Variants in TMC2 observed in about 807,000 individuals in gnomAD.
TMC2 encodes the protein transmembrane channel like 2, also known as transmembrane channel-like protein 2.
Under a neutral mutation model 105.9 loss-of-function variants are expected in TMC2, and 102 were observed. That is an observed-to-expected ratio of 0.96 (90% CI 0.82 to 1.14). The LOEUF is 1.14. TMC2 is among the 50% of genes most tolerant of loss of function. The pLI, the probability that TMC2 is intolerant of heterozygous loss-of-function variation, is 0.00. For synonymous variants in TMC2, 402 were observed against 422.8 expected, an observed-to-expected ratio of 0.95 and a Z score of 0.60; for missense variants, 1,093 against 1,134.3, an observed-to-expected ratio of 0.96 and a Z score of 0.52.
intron 1 of TMC2, 127 bp from the exon 2 acceptor site, chr20:2,537,142 T>G: frequency 1.3e-6 from 1 of 778,846 alleles, no homozygotes; most frequent in Admixed American, 2.2e-5. Flanking sequence ...CTGAGTAAAA[T>G]CATTGGAGCT....
chr20:2,561,839 G>T lies in TMC2; in HGVS notation c.402-19G>T, dbSNP rs116829220. On this transcript the variant is annotated intron_variant, in intron 3 of 19. Transcript: ENST00000358864. ...TCCTTTCCAACTTCCCTCTGCCTCC[G>T]CCCTGGCTCTGCCTCCAGGTCATCC... 1.9e-6 allele frequency: 3 copies of T among 1,608,292 alleles called. No individual in the cohort carries two copies. The highest frequency in any genetic ancestry group is 2.5e-6 in the Non-Finnish European group (3 of 1,177,404).
At chr20:2,594,628 G>T (rs58987878) in intron 8 of TMC2, among the ~76,000 whole-genome samples, 197 bp from the exon 9 acceptor site, 3,683 of 152,272 alleles carry the variant, frequency 0.024, 153 homozygotes, top group African/African-American at 0.083. Flanking sequence ...ATGAAGGAGA[G>T]AAAGAAGGGG....
Position 2,594,833 on chromosome 20 carries a change from C to G in TMC2, c.942C>G (p.Ile314Met), listed in dbSNP as rs1384151355. The change falls in exon 9 of 20, where the codon ATC becomes ATG. Residue 314 changes from isoleucine to methionine, a missense_variant. Coordinates refer to ENST00000358864, the MANE Select transcript of TMC2 (RefSeq NM_080751.3). ...GCTTTGCTGTCCCCCAGGGCTATAT[C>G]AAGTACTCTGCACTCTTCTATGGCT... is the stretch of plus-strand genomic sequence containing the variant. ...FSVLWDFEGY[I>M]KYSALFYGYY... 1 of 1,614,088 alleles carries G rather than the reference C, an allele frequency of 6.2e-7. No individual in the cohort carries two copies. The highest frequency in any genetic ancestry group is 1.3e-5 in the African/African-American group (1 of 75,042).
chr20:2,562,141 A>G, intron 4 of TMC2, 131 bp downstream of exon 4: 1 of 1,169,762 alleles, frequency 8.5e-7, no homozygotes, highest in East Asian at 2.6e-5. Context: ...GACAGCACTC[A>G]GGGAGCCCCA....
chr20:2,559,445 A>G (rs991754167), intron 3 of TMC2, among the ~76,000 whole-genome samples: 1 of 152,174 alleles, frequency 6.6e-6, no homozygotes, highest in Non-Finnish European at 1.5e-5. Flanking sequence ...TTTTGTTATC[A>G]ATTTTAATAG....
intron 10 of TMC2, among the ~76,000 whole-genome samples, chr20:2,597,634 C>A (rs932873399): frequency 1.5e-4 from 22 of 151,306 alleles, no homozygotes; most frequent in African/African-American, 4.9e-4. Context: ...ACTACAGGTG[C>A]CTGCCACTAT....
chr20:2,620,608 G>A (rs1433945444), intron 16 of TMC2, among the ~76,000 whole-genome samples: 1 of 152,134 alleles, frequency 6.6e-6, no homozygotes, highest in Non-Finnish European at 1.5e-5. Flanking sequence ...TACCAACTTG[G>A]ACTGAAAGAA....
At chr20:2,622,857 C>T (rs1459405773) in intron 16 of TMC2, among the ~76,000 whole-genome samples, 1 of 152,036 alleles carries the variant, frequency 6.6e-6, no homozygotes, top group Non-Finnish European at 1.5e-5. Flanking sequence ...TGTTTTATAT[C>T]AATTCTCATC....
At chr20:2,628,130 T>C (rs2086576985) in intron 17 of TMC2, among the ~76,000 whole-genome samples, 1 of 149,776 alleles carries the variant, frequency 6.7e-6, no homozygotes, top group Non-Finnish European at 1.5e-5. Context: ...ATCATGCCAC[T>C]GCACTCCAGC....
intron 7 of TMC2, among the ~76,000 whole-genome samples, chr20:2,583,376 G>A (rs989830788): frequency 3.3e-5 from 5 of 152,294 alleles, no homozygotes; most frequent in African/African-American, 9.6e-5. Context: ...ATGCCCACCT[G>A]GCAAGGAACT....
chr20:2,632,976 GT>G (rs2086614785), intron 17 of TMC2, among the ~76,000 whole-genome samples: 2 of 62,500 alleles, frequency 3.2e-5, no homozygotes, highest in Non-Finnish European at 6.8e-5. Flanking sequence ...CCTTCCATGG[GT>G]TTGTTGTTGT....
intron 19 of TMC2, among the ~76,000 whole-genome samples, chr20:2,639,687 A>G (rs141407556): frequency 6.6e-6 from 1 of 152,340 alleles, no homozygotes; most frequent in East Asian, 1.9e-4. Flanking sequence ...ATCTAGAATA[A>G]TAGAGTGAGA....
chr20:2,608,805 T>C (rs2086413305), intron 11 of TMC2, among the ~76,000 whole-genome samples: 1 of 152,254 alleles, frequency 6.6e-6, no homozygotes, highest in Admixed American at 6.5e-5. Flanking sequence ...ATTTACCCTT[T>C]GCAGCATTTT....
rs368965884 is a variant in TMC2 at position 2,617,577 on chromosome 20, T to G, written c.2180+266T>G. ...AGGAACTGAGAAAATTAATTTCTCA[T>G]GTATTTTTCTCATTTATTTATTAAT... On this transcript the variant is annotated intron_variant, in intron 16 of 19. Coordinates refer to ENST00000358864, the MANE Select transcript of TMC2 (RefSeq NM_080751.3). 3.2e-3 allele frequency: 1,589 copies of G among 498,430 alleles called. 12 individuals are homozygous for G. The highest frequency in any genetic ancestry group is 4.4e-3 in the Non-Finnish European group (1,227 of 278,736). The allele number at this position is 498,430 out of a possible 1,614,324, so 30.9% of individuals were successfully genotyped here.
chr20:2,592,400 G>A lies in TMC2; in HGVS notation c.925G>A (p.Asp309Asn), dbSNP rs752579525. Residue 309 changes from aspartate to asparagine, a missense_variant, in exon 8 of 20, where the codon GAT becomes AAT. Coordinates refer to ENST00000358864, the MANE Select transcript of TMC2 (RefSeq NM_080751.3). The surrounding 1 kb of genome is among the most constrained non-coding windows in gnomAD (Gnocchi z 4.9). ...EKAMDFSVLW[D>N]FEGYIKYSAL... Reference sequence around the variant, plus strand: ...GGCCATGGATTTTTCTGTCCTTTGGGATTTTGAGGTACTATTGTCAACATG... The same window carrying A: ...GGCCATGGATTTTTCTGTCCTTTGGAATTTTGAGGTACTATTGTCAACATG... The A allele has an allele frequency of 5.0e-6, 8 of 1,611,258 alleles. No homozygotes were observed. The highest frequency in any genetic ancestry group is 5.1e-6 in the Non-Finnish European group (6 of 1,177,512).
At chr20:2,537,167 G>A in intron 1 of TMC2, 102 bp from the exon 2 acceptor site, 1 of 1,026,080 alleles carries the variant, frequency 9.7e-7, no homozygotes, top group Non-Finnish European at 1.5e-6. Flanking sequence ...CCCAGTTTGA[G>A]GCAGCCACAA....
In TMC2 at chr20:2,616,651, G is replaced by A. The variant is rs1344663345; in HGVS notation, c.1941-421G>A. Reference sequence around the variant, plus strand: ...CCCTCTTCTGAAAAGGGAGTTCAAGGAGGTACATAACTTCAGCCAAAGACT... The same window carrying A: ...CCCTCTTCTGAAAAGGGAGTTCAAGAAGGTACATAACTTCAGCCAAAGACT... On this transcript the variant is annotated intron_variant, in intron 15 of 19. Coordinates refer to ENST00000358864, the MANE Select transcript of TMC2 (RefSeq NM_080751.3). The surrounding 1 kb of genome is among the most constrained non-coding windows in gnomAD (Gnocchi z 4.8). Among the ~76,000 whole-genome samples, 2 of 152,214 alleles carry A rather than the reference G, an allele frequency of 1.3e-5. No individual in the cohort carries two copies. The highest frequency in any genetic ancestry group is 2.9e-5 in the Non-Finnish European group (2 of 68,034).
chr20:2,632,073 G>C (rs1461723405), intron 17 of TMC2, among the ~76,000 whole-genome samples: 2 of 149,706 alleles, frequency 1.3e-5, no homozygotes, highest in Non-Finnish European at 3.0e-5. Flanking sequence ...CCAGGCTAGA[G>C]TGCAGTGGCA....
intron 9 of TMC2, among the ~76,000 whole-genome samples, chr20:2,596,736 T>TGC (rs1313194894): frequency 6.6e-6 from 1 of 151,172 alleles, no homozygotes; most frequent in Non-Finnish European, 1.5e-5. Context: ...TGTGTGTGTG[T>TGC]GTGTGTGTAT....
Sources: allele counts gnomAD v4.1 joint callset (sites outside exome capture counted in the v4.1 genomes callset), GRCh38; gene constraint gnomAD v4.1.1; non-coding constraint Gnocchi (gnomAD v3.1); transcripts MANE v1.5; gene names NCBI Gene and HGNC (gene_info 2026-07-23, HGNC 2026-07-21).